Variants in NSMCE2 observed in about 807,000 individuals in gnomAD.
NSMCE2 encodes E3 SUMO-protein ligase NSE2.
NSMCE2 carries 24 observed loss-of-function variants against 23.8 expected under a neutral mutation model. That is an observed-to-expected ratio of 1.01 (90% CI 0.73 to 1.42). NSMCE2 has a LOEUF of 1.42. Ranked by LOEUF, NSMCE2 falls within the 40% of genes most tolerant of loss-of-function variation. NSMCE2 has a pLI of 0.00. For missense variants in NSMCE2, 284 were observed against 296.5 expected, an observed-to-expected ratio of 0.96 and a Z score of 0.31; for synonymous variants, 92 against 94.1, an observed-to-expected ratio of 0.98 and a Z score of 0.13.
intron 5 of NSMCE2, among the ~76,000 whole-genome samples, chr8:125,195,377 T>TA (rs1408906778): frequency 6.6e-6 from 1 of 152,174 alleles, no homozygotes; most frequent in Non-Finnish European, 1.5e-5. Context: ...CTCTAAACGA[T>TA]ACAAATCTGA....
intron 3 of NSMCE2, among the ~76,000 whole-genome samples, chr8:125,125,526 G>C (rs1335165132): frequency 6.6e-6 from 1 of 152,236 alleles, no homozygotes; most frequent in Non-Finnish European, 1.5e-5. Context: ...CTAATTGCAG[G>C]AAACAGTGAA....
intron 3 of NSMCE2, chr8:125,130,152 G>A (rs1441016864): frequency 2.3e-6 from 1 of 433,930 alleles, no homozygotes; most frequent in South Asian, 1.6e-5. Flanking sequence ...TAGGTGTTTT[G>A]TAGAATGTCT....
intron 5 of NSMCE2, among the ~76,000 whole-genome samples, chr8:125,331,869 G>A (rs1438097211): frequency 6.6e-6 from 1 of 152,232 alleles, no homozygotes; most frequent in Non-Finnish European, 1.5e-5. Flanking sequence ...AAGAAGTCTG[G>A]TCTGGGTACT....
chr8:125,185,517 G>T (rs555780063), intron 5 of NSMCE2, among the ~76,000 whole-genome samples: 66 of 152,070 alleles, frequency 4.3e-4, no homozygotes, highest in Non-Finnish European at 8.2e-4. Context: ...TGTTGGCCAG[G>T]CCGGTCTTGA....
chr8:125,270,655 T>A (rs1270298737), intron 5 of NSMCE2: 2 of 152,164 alleles, frequency 1.3e-5, no homozygotes, highest in Non-Finnish European at 2.9e-5. Context: ...TAGGTTGAGA[T>A]GGGAGGATCG....
chr8:125,313,991 G>C (rs1189432137), intron 5 of NSMCE2, among the ~76,000 whole-genome samples: 1 of 152,156 alleles, frequency 6.6e-6, no homozygotes, highest in Non-Finnish European at 1.5e-5. Context: ...GCATTTCCAG[G>C]GTAGTTATTT....
At chr8:125,166,379 G>T (rs185077340) in intron 4 of NSMCE2, among the ~76,000 whole-genome samples, 1 of 151,988 alleles carries the variant, frequency 6.6e-6, no homozygotes, top group Non-Finnish European at 1.5e-5. Flanking sequence ...AGATTCTTGC[G>T]CCTCAGCCTC....
At chr8:125,227,951 T>C (rs949090760) in intron 5 of NSMCE2, among the ~76,000 whole-genome samples, 11 of 152,362 alleles carry the variant, frequency 7.2e-5, no homozygotes, top group African/African-American at 2.6e-4. Context: ...TTTCATGTTA[T>C]GCATGTGCCA....
chr8:125,122,172 C>CAAAAAA (rs796879544), intron 3 of NSMCE2, among the ~76,000 whole-genome samples: 1 of 45,972 alleles, frequency 2.2e-5, no homozygotes, highest in Non-Finnish European at 4.1e-5. Flanking sequence ...CTGGCTGAGC[C>CAAAAAA]AAAAAAAAAA....
At chr8:125,312,687 G>T (rs890985205) in intron 5 of NSMCE2, among the ~76,000 whole-genome samples, 2 of 152,166 alleles carry the variant, frequency 1.3e-5, no homozygotes, top group African/African-American at 4.8e-5. Flanking sequence ...CTAGAACAAG[G>T]ATAGCAGACT....
At chr8:125,161,105 G>T (rs1430157180) in intron 4 of NSMCE2, among the ~76,000 whole-genome samples, 1 of 152,174 alleles carries the variant, frequency 6.6e-6, no homozygotes, top group Admixed American at 6.5e-5. Flanking sequence ...GTAAGGAAAA[G>T]TTCTTTCATT....
intron 3 of NSMCE2, among the ~76,000 whole-genome samples, chr8:125,110,865 G>A (rs1272707926): frequency 2.0e-5 from 3 of 148,940 alleles, no homozygotes; most frequent in African/African-American, 7.5e-5. Flanking sequence ...CTCTCATGGA[G>A]GTCATGTATG....
At chr8:125,139,658 C>G (rs1040136045) in intron 3 of NSMCE2, among the ~76,000 whole-genome samples, 1 of 152,150 alleles carries the variant, frequency 6.6e-6, no homozygotes, top group African/African-American at 2.4e-5. Flanking sequence ...CAGGAAAGAC[C>G]TGCCCCCAGG....
At chr8:125,123,790 ATTC>A (rs1360061885) in intron 3 of NSMCE2, among the ~76,000 whole-genome samples, 3 of 152,344 alleles carry the variant, frequency 2.0e-5, no homozygotes, top group Non-Finnish European at 4.4e-5. Context: ...ATCACCTTAA[ATTC>A]TTCTTAATAG....
chr8:125,103,868 C>T (rs1189950702), intron 3 of NSMCE2, among the ~76,000 whole-genome samples: 1 of 151,882 alleles, frequency 6.6e-6, no homozygotes, highest in South Asian at 2.1e-4. Context: ...TTCATTGTGT[C>T]CATATTTTCC....
intron 4 of NSMCE2, among the ~76,000 whole-genome samples, chr8:125,158,920 G>A (rs1821458601): frequency 6.6e-6 from 1 of 152,216 alleles, no homozygotes; most frequent in African/African-American, 2.4e-5. Context: ...TGAAAGCACA[G>A]TAGTCACTGG....
chr8:125,323,024 ACTCCAGC>A (rs1483974334), intron 5 of NSMCE2, among the ~76,000 whole-genome samples: 6 of 152,112 alleles, frequency 3.9e-5, no homozygotes, highest in Non-Finnish European at 8.8e-5. Flanking sequence ...ATGCTGCTAC[ACTCCAGC>A]CTGGGCAATA....
chr8:125,213,916 C>T (rs543980309), intron 5 of NSMCE2, among the ~76,000 whole-genome samples: 1 of 152,256 alleles, frequency 6.6e-6, no homozygotes, highest in Admixed American at 6.5e-5. Context: ...ATCTGATCCA[C>T]TTCAACTGTC....
chr8:125,159,357 TATA>T (rs2130717488), intron 4 of NSMCE2, among the ~76,000 whole-genome samples: 1 of 152,302 alleles, frequency 6.6e-6, no homozygotes, highest in South Asian at 2.1e-4. Context: ...GCCATAAGAT[TATA>T]ATATCATACT....
Sources: allele counts gnomAD v4.1 joint callset (sites outside exome capture counted in the v4.1 genomes callset), GRCh38; gene constraint gnomAD v4.1.1; transcripts MANE v1.5; gene names NCBI Gene and HGNC (gene_info 2026-07-23, HGNC 2026-07-21).